The following MEIG1 variants were observed in gnomAD, a reference collection of about 807,000 sequenced individuals.
The protein encoded by MEIG1 is meiosis/spermiogenesis associated 1.
MEIG1 carries 12 observed loss-of-function variants against 11.3 expected under a neutral mutation model. The ratio of observed to expected loss-of-function variants is 1.07; its 90% CI spans 0.68 to 1.73. The LOEUF is 1.73. MEIG1 is among the 40% of genes most tolerant of loss of function. The pLI, the probability that MEIG1 is intolerant of heterozygous loss-of-function variation, is 0.00. For synonymous variants in MEIG1, 41 were observed against 33.2 expected (o/e 1.24, Z -0.81); for missense variants, 119 against 104.9 (o/e 1.13, Z -0.59).
intron 1 of MEIG1, among the ~76,000 whole-genome samples, chr10:14,964,861 C>G (rs1159976044): frequency 6.6e-6 from 1 of 151,024 alleles, no homozygotes; most frequent in Non-Finnish European, 1.5e-5. Context: ...GATCTCAGCT[C>G]ACTGCAACCT....
At chr10:14,956,661 G>C (rs1842956874), upstream of MEIG1, among the ~76,000 whole-genome samples, 1 of 152,182 alleles carries the variant, frequency 6.6e-6, no homozygotes, top group African/African-American at 2.4e-5. Flanking sequence ...CTGCAATACT[G>C]CAGGAAATGT....
At chr10:14,983,260 C>T (rs1337385738) in intron 1 of MEIG1, among the ~76,000 whole-genome samples, 1 of 152,098 alleles carries the variant, frequency 6.6e-6, no homozygotes, top group African/African-American at 2.4e-5. Flanking sequence ...GATATTCCTC[C>T]TAATATTCAC....
downstream of MEIG1, among the ~76,000 whole-genome samples, chr10:14,973,614 C>CA (rs1375729368): frequency 2.6e-5 from 4 of 151,628 alleles, no homozygotes; most frequent in Admixed American, 1.3e-4. Context: ...CTAAAAAATA[C>CA]AAAAAATTAG....
intron 1 of MEIG1, among the ~76,000 whole-genome samples, chr10:14,985,155 G>T (rs573221758): frequency 6.6e-6 from 1 of 151,820 alleles, no homozygotes; most frequent in African/African-American, 2.4e-5. Flanking sequence ...ACAGTGATAG[G>T]AGTTGTAATA....
intron 1 of MEIG1, among the ~76,000 whole-genome samples, chr10:14,982,229 C>A (rs1360638705): frequency 6.6e-6 from 1 of 152,148 alleles, no homozygotes; most frequent in South Asian, 2.1e-4. Context: ...CTTCTGAGCT[C>A]CCCTCATTAA....
intron 1 of MEIG1, among the ~76,000 whole-genome samples, chr10:14,982,752 AATAATT>A (rs1373020879): frequency 6.6e-6 from 1 of 152,154 alleles, no homozygotes; most frequent in Non-Finnish European, 1.5e-5. Flanking sequence ...AATTGATACT[AATAATT>A]ATCAATATTA....
upstream of MEIG1, among the ~76,000 whole-genome samples, chr10:14,956,755 G>A (rs1842957489): frequency 6.6e-6 from 1 of 152,122 alleles, no homozygotes; most frequent in Non-Finnish European, 1.5e-5. Flanking sequence ...TAAAGATACA[G>A]TAGTGAGCAA....
chr10:14,954,639 G>A (rs553705925), upstream of MEIG1, among the ~76,000 whole-genome samples: 4 of 152,114 alleles, frequency 2.6e-5, no homozygotes, highest in East Asian at 7.7e-4. Context: ...TGATCTTGGG[G>A]CAAATAAGAT....
At chr10:14,978,085 T>C (rs1165841807) in intron 1 of MEIG1, among the ~76,000 whole-genome samples, 1 of 151,822 alleles carries the variant, frequency 6.6e-6, no homozygotes, top group Non-Finnish European at 1.5e-5. Context: ...TTATTCGTAA[T>C]ATCCTAGGAA....
At chr10:14,976,995 A>T (rs565912674), downstream of MEIG1, among the ~76,000 whole-genome samples, 73 of 151,908 alleles carry the variant, frequency 4.8e-4, no homozygotes, top group Non-Finnish European at 7.5e-4. Flanking sequence ...TCCACGGGGG[A>T]TGTTACTTCT....
chr10:14,984,326 G>A (rs763812984), intron 1 of MEIG1, among the ~76,000 whole-genome samples: 8 of 152,008 alleles, frequency 5.3e-5, no homozygotes, highest in Non-Finnish European at 1.0e-4. Flanking sequence ...TGACATCCTG[G>A]GACATTATTT....
chr10:14,980,885 G>T (rs1412721602), intron 1 of MEIG1, among the ~76,000 whole-genome samples: 1 of 152,170 alleles, frequency 6.6e-6, no homozygotes, highest in African/African-American at 2.4e-5. Flanking sequence ...AGGTGAAGCA[G>T]CTGTCCTCAG....
At chr10:14,981,528 G>T (rs1488249535) in intron 1 of MEIG1, among the ~76,000 whole-genome samples, 3 of 152,128 alleles carry the variant, frequency 2.0e-5, no homozygotes, top group African/African-American at 7.2e-5. Context: ...TTTTGGATAA[G>T]GGGGCGACCG....
intron 1 of MEIG1, among the ~76,000 whole-genome samples, chr10:14,982,302 C>A (rs1312963172): frequency 1.3e-5 from 2 of 152,096 alleles, no homozygotes; most frequent in Non-Finnish European, 2.9e-5. Context: ...TCATGTGGGT[C>A]CAACTGGTGG....
At chr10:14,957,096 T>C (rs1842959998), upstream of MEIG1, among the ~76,000 whole-genome samples, 2 of 152,286 alleles carry the variant, frequency 1.3e-5, no homozygotes, top group East Asian at 3.9e-4. Context: ...CCTGTGGACG[T>C]GGGAGTGTAC....
chr10:14,958,637 C>G (rs1842975083), upstream of MEIG1, among the ~76,000 whole-genome samples: 1 of 152,228 alleles, frequency 6.6e-6, no homozygotes, highest in Non-Finnish European at 1.5e-5. Flanking sequence ...TGGCTCACGC[C>G]TGTAATCCCA....
upstream of MEIG1, chr10:14,959,368 T>G (rs1235386961): frequency 1.3e-5 from 2 of 152,272 alleles, no homozygotes; most frequent in Non-Finnish European, 2.9e-5. Context: ...AGCCGGGAGC[T>G]CCTGCAGCTT....
At chr10:14,980,437 C>A (rs551961435) in intron 1 of MEIG1, among the ~76,000 whole-genome samples, 1 of 152,212 alleles carries the variant, frequency 6.6e-6, no homozygotes, top group East Asian at 1.9e-4. Flanking sequence ...ACAGTGATAT[C>A]ATTTGTGATA....
intron 2 of MEIG1, chr10:14,970,458 T>C (rs1029488038): frequency 6.6e-6 from 1 of 152,158 alleles, no homozygotes. Context: ...TCTCACCGGA[T>C]CAGATGGCTT....
Sources: gnomAD v4.1 joint callset for allele counts (sites outside exome capture counted in the v4.1 genomes callset) on GRCh38, gnomAD v4.1.1 for gene constraint, MANE v1.5 for transcripts, NCBI Gene and HGNC (gene_info 2026-07-23, HGNC 2026-07-21) for gene names.